FZR1: variants seen among roughly 807,000 people sequenced by gnomAD.
The protein encoded by FZR1 is fizzy and cell division cycle 20 related 1, also known as fizzy-related protein homolog.
A neutral mutation model predicts 63.6 loss-of-function variants in FZR1; 11 were observed. The ratio of observed to expected loss-of-function variants is 0.17; its 90% CI spans 0.11 to 0.29. The LOEUF is 0.29. Among genes scored for constraint, FZR1 ranks in the 10% least tolerant of loss-of-function variants. The pLI, the probability that FZR1 is intolerant of heterozygous loss-of-function variation, is 1.00. For synonymous variants in FZR1, 328 were observed against 297.9 expected, an observed-to-expected ratio of 1.10 and a Z score of -1.04; for missense variants, 440 against 687.5, an observed-to-expected ratio of 0.64 and a Z score of 4.03.
chr19:3,517,659 G>GC (rs1240641140), intron 1 of FZR1, among the ~76,000 whole-genome samples: 1 of 151,866 alleles, frequency 6.6e-6, no homozygotes, highest in Non-Finnish European at 1.5e-5. Context: ...CTGCACTCCA[G>GC]CCTGGGCAAA....
intron 1 of FZR1, among the ~76,000 whole-genome samples, chr19:3,519,491 C>T (rs2083082938): frequency 1.3e-5 from 2 of 152,178 alleles, no homozygotes; most frequent in Admixed American, 6.5e-5. Flanking sequence ...AGTTCCTCGC[C>T]GCTTGGCTCT....
At chr19:3,524,172 C>T (rs974590127) in intron 2 of FZR1, among the ~76,000 whole-genome samples, 13 of 152,212 alleles carry the variant, frequency 8.5e-5, no homozygotes, top group Admixed American at 8.5e-4. Flanking sequence ...GCAGGAGCAG[C>T]CCTAGTGCCG....
chr19:3,510,409 A>G (rs1238232720), intron 1 of FZR1, among the ~76,000 whole-genome samples: 1 of 152,200 alleles, frequency 6.6e-6, no homozygotes, highest in Non-Finnish European at 1.5e-5. Context: ...CTCTGGGATT[A>G]CTGGCGGAGC....
intron 1 of FZR1, among the ~76,000 whole-genome samples, chr19:3,511,296 A>G (rs956006638): frequency 1.3e-5 from 2 of 152,168 alleles, no homozygotes; most frequent in African/African-American, 4.8e-5. Context: ...AGCAGTTCTC[A>G]CGGGAGTGGG....
rs2029971474 is a variant in FZR1, at chr19:3,536,449, C to G, written c.*1613C>G. 6.6e-6 allele frequency: 1 copy of G among 152,032 alleles called. No individual in the cohort carries two copies. Among genetic ancestry groups the G allele is most frequent in the South Asian group, 2.1e-4 (1 of 4,820 alleles). 9.4% of individuals were successfully genotyped at this position (152,032 alleles called of 1,614,324 possible). A position where few individuals can be genotyped will look rare whatever the true frequency, so the allele number is the denominator to read the frequency against. ...TGGATTTCCAGTGGTCACGGTCTTA[C>G]TGTTTCAAGGTTTTTAAATAAGAAA... On this transcript the variant is annotated 3_prime_UTR_variant, in exon 14 of 14. Transcript: ENST00000441788.
In FZR1 at chr19:3,535,177, C is replaced by G. The variant is rs2029895250; in HGVS notation, c.*341C>G. On this transcript the variant is annotated 3_prime_UTR_variant, in exon 14 of 14. Coordinates refer to ENST00000441788, the MANE Select transcript of FZR1 (RefSeq NM_016263.4). The stretch of plus-strand genomic sequence containing the variant: ...CCTCACTGCCTCCGTCTGTTCATCA[C>G]CTGCCCACCGGAGCCGCATGCTCTT... 2 of 377,270 alleles carry G rather than the reference C, an allele frequency of 5.3e-6. No homozygotes were observed. The highest frequency in any genetic ancestry group is 1.0e-5 in the Non-Finnish European group (2 of 200,840). 23.4% of individuals were successfully genotyped at this position (377,270 alleles called of 1,614,324 possible). A position where few individuals can be genotyped will look rare whatever the true frequency, so the allele number is the denominator to read the frequency against.
intron 1 of FZR1, 98 bp from the exon 2 acceptor site, chr19:3,522,858 G>C: frequency 1.4e-6 from 1 of 714,906 alleles, no homozygotes; most frequent in South Asian, 1.5e-5. Flanking sequence ...GGACCCCACA[G>C]TCACTCTAGC....
At chr19:3,511,556 A>T (rs1180978448) in intron 1 of FZR1, among the ~76,000 whole-genome samples, 1 of 152,182 alleles carries the variant, frequency 6.6e-6, no homozygotes, top group African/African-American at 2.4e-5. Context: ...TATTTTAAAA[A>T]CAAGAAGAGA....
intron 7 of FZR1, among the ~76,000 whole-genome samples, chr19:3,530,378 GGGTGAGCA>G: frequency 7.2e-6 from 1 of 139,342 alleles, no homozygotes; most frequent in African/African-American, 2.8e-5. Context: ...GAGAGCGGAT[GGGTGAGCA>G]GATGGGTGAG....
rs1185088893 is a variant in FZR1, at chr19:3,535,103, G to C, written c.*267G>C. On this transcript the variant is annotated 3_prime_UTR_variant, in exon 14 of 14. Transcript: ENST00000441788. The stretch of plus-strand genomic sequence containing the variant: ...CAAAGGGCGAGAACCACATTGGACG[G>C]TCCCGGCTCAGACCGTCTGTACTCA... The C allele has an allele frequency of 1.9e-6, 1 of 539,330 alleles. No homozygotes were observed. The highest frequency in any genetic ancestry group is 3.3e-6 in the Non-Finnish European group (1 of 299,206). 33.4% of individuals were successfully genotyped at this position (539,330 alleles called of 1,614,324 possible).
rs1190294818 is a variant in FZR1, at chr19:3,535,034, A to C, written c.*198A>C. On this transcript the variant is annotated 3_prime_UTR_variant, in exon 14 of 14. Transcript: ENST00000441788. ...ATGTCCACCAGTATCTGGGGTGGGC[A>C]CGTGGTCGGGGACCCTCAGCAGCAG... The C allele has an allele frequency of 8.3e-6, 5 of 602,406 alleles. No individual in the cohort carries two copies. The highest frequency in any genetic ancestry group is 1.5e-5 in the Non-Finnish European group (5 of 336,902). 37.3% of individuals were successfully genotyped at this position (602,406 alleles called of 1,614,324 possible).
intron 1 of FZR1, among the ~76,000 whole-genome samples, chr19:3,511,535 C>CAG (rs2083024657): frequency 6.9e-6 from 1 of 144,488 alleles, no homozygotes. Context: ...AGACCCTGAC[C>CAG]CCCATCTCTA....
In FZR1 at chr19:3,514,904, C is replaced by A. The variant is rs1275812563; in HGVS notation, c.-34-8052C>A. Among the ~76,000 whole-genome samples the A allele has an allele frequency of 6.6e-6, 1 of 152,198 alleles. No individual in the cohort carries two copies. The highest frequency in any genetic ancestry group is 1.9e-4 in the East Asian group (1 of 5,192). On this transcript the variant is annotated intron_variant, in intron 1 of 13. Coordinates refer to ENST00000441788, the MANE Select transcript of FZR1 (RefSeq NM_016263.4). This position sits in a 1 kb window ranked among gnomAD's most constrained non-coding sequence, Gnocchi z 4.2. Reference sequence around the variant, plus strand: ...ACTGAAGGCTTGCCCGGGGCAGTGGCAGAAGGAGGCCTCCTGGCTCTTCAT... The same window carrying A: ...ACTGAAGGCTTGCCCGGGGCAGTGGAAGAAGGAGGCCTCCTGGCTCTTCAT...
intron 10 of FZR1, 80 bp downstream of exon 10, chr19:3,532,175 TGGGGCG>T (rs941525291): frequency 3.7e-6 from 5 of 1,357,074 alleles, no homozygotes; most frequent in Admixed American, 2.7e-5. Context: ...GAGCCTGGGC[TGGGGCG>T]GGCGCGGGCG....
chr19:3,517,866 T>C (rs953614847), intron 1 of FZR1, among the ~76,000 whole-genome samples: 2 of 151,236 alleles, frequency 1.3e-5, no homozygotes, highest in African/African-American at 4.9e-5. Flanking sequence ...CTTTTTTTTT[T>C]TTTTTCCTTC....
intron 8 of FZR1, among the ~76,000 whole-genome samples, chr19:3,531,290 C>T (rs2083244259): frequency 6.6e-6 from 1 of 152,206 alleles, no homozygotes. Flanking sequence ...CACTCGTAAC[C>T]GCTCACTGTG....
At position 3,537,257 on chromosome 19, in the gene FZR1, CG is replaced by C. The variant is rs2030012019; in HGVS notation, c.*2425del. The C allele has an allele frequency of 6.6e-6, 1 of 152,228 alleles. No homozygotes were observed. Among genetic ancestry groups the C allele is most frequent in the Non-Finnish European group, 1.5e-5 (1 of 68,064 alleles). The allele number at this position is 152,228 out of a possible 1,614,324, so 9.4% of individuals were successfully genotyped here. ...CCAGGGGAGTGTACGTCAGGCTTTG[CG>C]GGGCACGGGGGCCACTCAGCAGCGC... On this transcript the variant is annotated 3_prime_UTR_variant, in exon 14 of 14. Coordinates refer to ENST00000441788, the MANE Select transcript of FZR1 (RefSeq NM_016263.4).
At chr19:3,512,325 G>C (rs958793333) in intron 1 of FZR1, among the ~76,000 whole-genome samples, 3 of 152,198 alleles carry the variant, frequency 2.0e-5, no homozygotes, top group Admixed American at 6.5e-5. Context: ...TCTTCTCTGG[G>C]TCATGCCGGG....
chr19:3,528,234 G>A (rs981676051), intron 7 of FZR1, among the ~76,000 whole-genome samples: 1 of 152,266 alleles, frequency 6.6e-6, no homozygotes, highest in Non-Finnish European at 1.5e-5. Flanking sequence ...GCCTCTGGGC[G>A]CATGGAGCCT....
Sources: gnomAD v4.1 joint callset for allele counts (sites outside exome capture counted in the v4.1 genomes callset) on GRCh38, gnomAD v4.1.1 for gene constraint, Gnocchi (gnomAD v3.1) non-coding constraint, MANE v1.5 for transcripts, NCBI Gene and HGNC (gene_info 2026-07-23, HGNC 2026-07-21) for gene names.